Variants in CNPY4 observed in about 807,000 individuals in gnomAD.
CNPY4 encodes the protein protein canopy homolog 4.
A neutral mutation model predicts 30.1 loss-of-function variants in CNPY4; 33 were observed. The ratio of observed to expected loss-of-function variants is 1.10; its 90% CI spans 0.83 to 1.46. The LOEUF (loss-of-function observed/expected upper bound fraction) is 1.46. Ranked by LOEUF, CNPY4 falls within the 40% of genes most tolerant of loss-of-function variation. The pLI is 0.00. For synonymous variants in CNPY4, 109 were observed against 110.1 expected (o/e 0.99, Z 0.06); for missense variants, 324 against 302.6 (o/e 1.07, Z -0.52).
intron 1 of CNPY4, 29 bp from the exon 2 acceptor site, chr7:100,122,230 T>TC (rs768619401): frequency 2.1e-5 from 34 of 1,611,664 alleles, no homozygotes; most frequent in Middle Eastern, 1.7e-4. Flanking sequence ...GTCTTTTACC[T>TC]CCCCCCGGAC....
Position 100,124,918 on chromosome 7 carries a change from G to A in CNPY4, c.*30G>A. On this transcript the variant is annotated 3_prime_UTR_variant, in exon 6 of 6. Transcript: ENST00000262932. ...TGCCTTTGAGCCCCCAGGAGGGGAA[G>A]GGATCATGGAGAGCCCTCTAAAGCC... is the stretch of plus-strand genomic sequence containing the variant. 1.3e-6 allele frequency: 2 copies of A among 1,557,576 alleles called. No individual in the cohort carries two copies. Among genetic ancestry groups the A allele is most frequent in the Non-Finnish European group, 1.7e-6 (2 of 1,154,408 alleles).
chr7:100,124,441 G>A, intron 4 of CNPY4, 73 bp from the exon 5 acceptor site: 3 of 1,202,522 alleles, frequency 2.5e-6, no homozygotes, highest in Non-Finnish European at 3.7e-6. Flanking sequence ...GTCAGGTTGA[G>A]CAGGGAGAGA....
intron 4 of CNPY4, among the ~76,000 whole-genome samples, chr7:100,123,739 C>T (rs1420132899): frequency 2.6e-5 from 4 of 152,096 alleles, no homozygotes; most frequent in African/African-American, 4.8e-5. Context: ...CCAGGCTGGT[C>T]GAACTCCTGA....
chr7:100,125,133 G>T lies in CNPY4; in HGVS notation c.*245G>T. 1 of 485,600 alleles carries T rather than the reference G, an allele frequency of 2.1e-6. No homozygotes were observed. The highest frequency in any genetic ancestry group is 3.6e-6 in the Non-Finnish European group (1 of 275,682). The allele number at this position is 485,600 out of a possible 1,614,324, so 30.1% of individuals were successfully genotyped here. ...CTCTATCCAGCCCCTTAATTGGCAG[G>T]TGTATGTGCTGACAGTACTGAAAGC... On this transcript the variant is annotated 3_prime_UTR_variant, in exon 6 of 6. Coordinates refer to ENST00000262932, the MANE Select transcript of CNPY4 (RefSeq NM_152755.2).
chr7:100,122,676 T>A, intron 3 of CNPY4, 99 bp downstream of exon 3: 3 of 1,518,954 alleles, frequency 2.0e-6, no homozygotes, highest in Non-Finnish European at 2.7e-6. Flanking sequence ...CTCACCATCA[T>A]GGAACTCACC....
Position 100,125,057 on chromosome 7 carries a change from A to C in CNPY4, c.*169A>C. 1.5e-6 allele frequency: 1 copy of C among 671,454 alleles called. No individual in the cohort carries two copies. Among genetic ancestry groups the C allele is most frequent in the Non-Finnish European group, 2.4e-6 (1 of 418,690 alleles). 41.6% of individuals were successfully genotyped at this position (671,454 alleles called of 1,614,324 possible). A position where few individuals can be genotyped will look rare whatever the true frequency, so the allele number is the denominator to read the frequency against. On this transcript the variant is annotated 3_prime_UTR_variant, in exon 6 of 6. Coordinates refer to ENST00000262932, the MANE Select transcript of CNPY4 (RefSeq NM_152755.2). ...CAAGATCCTGGTGAAACAGCATGAC[A>C]TGGCTTCTGGGGTGGAGGGTGGGGG...
chr7:100,124,966 T>C lies in CNPY4; in HGVS notation c.*78T>C, dbSNP rs1229440239. The stretch of plus-strand genomic sequence containing the variant: ...GCCTGCACTCTCCCTGCTCCACAGC[T>C]TTCAGGGTGTGTTTATGAGTGACTC... On this transcript the variant is annotated 3_prime_UTR_variant, in exon 6 of 6. Coordinates refer to ENST00000262932, the MANE Select transcript of CNPY4 (RefSeq NM_152755.2). The C allele has an allele frequency of 5.4e-6, 8 of 1,487,458 alleles. No homozygotes were observed. The highest frequency in any genetic ancestry group is 6.3e-6 in the Non-Finnish European group (7 of 1,108,268). The allele number at this position is 1,487,458 out of a possible 1,614,324, so 92.1% of individuals were successfully genotyped here.
chr7:100,120,036 C>G (rs1194056749), intron 1 of CNPY4, 174 bp downstream of exon 1: 1 of 528,148 alleles, frequency 1.9e-6, no homozygotes, highest in Non-Finnish European at 3.2e-6. Context: ...TGTAGTGCCA[C>G]CTCAAACTGC....
At chr7:100,123,104 G>A (rs2116899425) in intron 4 of CNPY4, among the ~76,000 whole-genome samples, 198 bp downstream of exon 4, 1 of 152,286 alleles carries the variant, frequency 6.6e-6, no homozygotes, top group Non-Finnish European at 1.5e-5. Flanking sequence ...CAATTTGGGA[G>A]GCTGAGGCAG....
chr7:100,119,699 C>A lies in CNPY4; in HGVS notation c.-46C>A. On this transcript the variant is annotated 5_prime_UTR_variant, in exon 1 of 6. Transcript: ENST00000262932. ...AATTTAAGGGACCCACACTACCTTCCCGAAGTTGAAGGCAAGCGGTGATTG... is the reference window on the plus strand; with the variant it reads ...AATTTAAGGGACCCACACTACCTTCACGAAGTTGAAGGCAAGCGGTGATTG... The A allele has an allele frequency of 6.2e-7, 1 of 1,613,924 alleles. No individual in the cohort carries two copies. The highest frequency in any genetic ancestry group is 8.5e-7 in the Non-Finnish European group (1 of 1,179,936).
chr7:100,123,202 C>T (rs964378783), intron 4 of CNPY4, among the ~76,000 whole-genome samples: 3 of 151,836 alleles, frequency 2.0e-5, no homozygotes, highest in African/African-American at 2.4e-5. Flanking sequence ...GTTAGCTGGG[C>T]GTGGTGGTGC....
chr7:100,122,688 T>G (rs1798108423), intron 3 of CNPY4, 96 bp from the exon 4 acceptor site: 7 of 1,536,982 alleles, frequency 4.6e-6, no homozygotes, highest in Non-Finnish European at 6.2e-6. Context: ...GAACTCACCC[T>G]TGAATCTCCA....
Position 100,124,647 on chromosome 7 carries a change from G to T in CNPY4, c.583+16G>T, listed in dbSNP as rs1159582656. On this transcript the variant is annotated intron_variant, in intron 5 of 5. Coordinates refer to ENST00000262932, the MANE Select transcript of CNPY4 (RefSeq NM_152755.2). ...GCTGAAACTGGTAAGCGTAAGGGTT[G>T]AACTCCTCTCCTGCCAAGCCATAGC... 12 of 1,611,940 alleles carry T rather than the reference G, an allele frequency of 7.4e-6. No homozygotes were observed. In the East Asian group the frequency reaches 2.7e-4, roughly 36 times the overall value.
intron 4 of CNPY4, among the ~76,000 whole-genome samples, chr7:100,123,921 G>A (rs1382033583): frequency 6.6e-6 from 1 of 152,114 alleles, no homozygotes; most frequent in Non-Finnish European, 1.5e-5. Context: ...ACGACATCAG[G>A]GGTTCAAGAC....
In CNPY4 at chr7:100,124,743, G is replaced by C. The variant is rs1330645818; in HGVS notation, c.602G>C (p.Trp201Ser). ...AAETACLQET[W>S]TGKEITDGEE... The stretch of plus-strand genomic sequence containing the variant: ...GATCTAGCATGTCTACAGGAAACTT[G>C]GACTGGAAAGGAGATCACAGATGGG... Residue 201 changes from tryptophan to serine, a missense_variant, in exon 6 of 6, where the codon TGG (tryptophan) becomes TCG (serine). Coordinates refer to ENST00000262932, the MANE Select transcript of CNPY4 (RefSeq NM_152755.2). 65 of 1,613,758 alleles carry C rather than the reference G, an allele frequency of 4.0e-5. No homozygotes were observed. The highest frequency in any genetic ancestry group is 5.1e-5 in the Non-Finnish European group (60 of 1,179,974).
rs2116904043 is a variant in CNPY4 at position 100,124,515 on chromosome 7, G to A, written c.467G>A (p.Cys156Tyr). 1 of 1,610,184 alleles carries A rather than the reference G, an allele frequency of 6.2e-7. No individual in the cohort carries two copies. Among genetic ancestry groups the A allele is most frequent in the Non-Finnish European group, 8.5e-7 (1 of 1,177,596 alleles). ...SVEVTYLKKQ[C>Y]ETMLEEFEDI... ...CTTCTGGCCCTTCTACTTGACCAGT[G>A]TGAGACCATGTTGGAGGAGTTTGAA... The change falls in exon 5 of 6, where the codon TGT (cysteine) becomes TAT (tyrosine). Residue 156 changes from cysteine (C) to tyrosine (Y), a missense_variant and splice_region_variant. Coordinates refer to ENST00000262932, the MANE Select transcript of CNPY4 (RefSeq NM_152755.2).
In CNPY4 at chr7:100,119,863, G is replaced by T; in HGVS notation, c.118+1G>T. 2 of 1,611,320 alleles carry T rather than the reference G, an allele frequency of 1.2e-6. No individual in the cohort carries two copies. The highest frequency in any genetic ancestry group is 1.7e-6 in the Non-Finnish European group (2 of 1,178,858). On this transcript the variant is annotated splice_donor_variant, in intron 1 of 5. Coordinates refer to ENST00000262932, the MANE Select transcript of CNPY4 (RefSeq NM_152755.2). LOFTEE classifies it high-confidence loss of function. ...GAACGCTTGCCCAGCAAATGCGAAG[G>T]TATTTGAAGGGGGTAGCCCCTATAG...
intron 2 of CNPY4, 23 bp from the exon 3 acceptor site, chr7:100,122,458 C>G: frequency 6.2e-7 from 1 of 1,614,036 alleles, no homozygotes; most frequent in South Asian, 1.1e-5. Context: ...TCCAGGGAAT[C>G]TTTGTTTCCT....
chr7:100,119,790 G>A lies in CNPY4; in HGVS notation c.46G>A (p.Val16Met). The stretch of plus-strand genomic sequence containing the variant: ...AATATTGCTTTTCCTTTTTTTGGCC[G>A]TGCACGAGGCTTGGGCTGGGATGTT... ...LGILLFLFLA[V>M]HEAWAGMLKE... The change falls in exon 1 of 6, where the codon GTG becomes ATG. Residue 16 changes from valine (V) to methionine (M), a missense_variant. Physicochemically the swap from Val to Met is conservative, Grantham distance 21 (BLOSUM62 1). Coordinates refer to ENST00000262932, the MANE Select transcript of CNPY4 (RefSeq NM_152755.2). The A allele has an allele frequency of 1.9e-6, 3 of 1,613,894 alleles. No homozygotes were observed. Among genetic ancestry groups the A allele is most frequent in the East Asian group, 2.2e-5 (1 of 44,864 alleles).
Sources: allele counts gnomAD v4.1 joint callset (sites outside exome capture counted in the v4.1 genomes callset), GRCh38; gene constraint gnomAD v4.1.1; transcripts MANE v1.5; gene names NCBI Gene and HGNC (gene_info 2026-07-23, HGNC 2026-07-21).